The following TYR variants were observed in gnomAD, a reference collection of about 807,000 sequenced individuals.
TYR encodes the protein LB24-AB.
A neutral mutation model predicts 51.5 loss-of-function variants in TYR; 58 were observed. The observed-to-expected ratio is 1.13, with a 90% CI of 0.91 to 1.40. TYR has a LOEUF of 1.40. TYR is among the 40% of genes most tolerant of loss of function. The pLI, the probability that TYR is intolerant of heterozygous loss-of-function variation, is 0.00. For synonymous variants in TYR, 263 were observed against 235.2 expected (o/e 1.12, Z -1.08); for missense variants, 732 against 647.4 (o/e 1.13, Z -1.42).
chr11:89,249,938 C>T (rs1944312436), intron 3 of TYR, among the ~76,000 whole-genome samples: 1 of 151,822 alleles, frequency 6.6e-6, no homozygotes, highest in Non-Finnish European at 1.5e-5. Context: ...AATGGAGACA[C>T]AAGATAGAGT....
intron 2 of TYR, among the ~76,000 whole-genome samples, chr11:89,203,088 A>G (rs1022971473): frequency 6.6e-6 from 1 of 152,218 alleles, no homozygotes; most frequent in Non-Finnish European, 1.5e-5. Flanking sequence ...TTTCCACATT[A>G]CAAGTGAGCA....
At chr11:89,202,838 G>C (rs551974096) in intron 2 of TYR, among the ~76,000 whole-genome samples, 1 of 151,978 alleles carries the variant, frequency 6.6e-6, no homozygotes. Flanking sequence ...ATAAAAACTC[G>C]TTATTTCATG....
chr11:89,258,665 A>G (rs1445263145), intron 3 of TYR, among the ~76,000 whole-genome samples: 2 of 152,150 alleles, frequency 1.3e-5, no homozygotes, highest in Admixed American at 1.3e-4. Context: ...TGAATTTAAG[A>G]AAAACAAAGT....
chr11:89,289,315 C>G (rs1400595306), intron 4 of TYR, among the ~76,000 whole-genome samples: 1 of 152,016 alleles, frequency 6.6e-6, no homozygotes. Flanking sequence ...ACACTTCTAT[C>G]ATTCATGAAT....
rs370426120 is a variant in TYR, at chr11:89,228,651, A to G, written c.1184+681A>G. ...AAGGAAGTACAAACTGATCTCTTCC[A>G]CTGGCCTGAATAGTATATGATTAAT... On this transcript the variant is annotated intron_variant, in intron 3 of 4. Transcript: ENST00000263321. Among the ~76,000 whole-genome samples the G allele has an allele frequency of 1.8e-4, 28 of 152,310 alleles. No individual in the cohort carries two copies. The East Asian group carries it at 4.6e-3, about 25-fold the overall frequency.
At chr11:89,267,125 T>C (rs1396876850) in intron 3 of TYR, among the ~76,000 whole-genome samples, 1 of 151,920 alleles carries the variant, frequency 6.6e-6, no homozygotes, top group African/African-American at 2.4e-5. Context: ...CACATGAAAG[T>C]TGATGCTTAG....
intron 2 of TYR, among the ~76,000 whole-genome samples, chr11:89,217,959 T>G (rs138279280): frequency 6.6e-6 from 1 of 152,312 alleles, no homozygotes; most frequent in Non-Finnish European, 1.5e-5. Flanking sequence ...GGTGAATAGT[T>G]ATTTCTATTA....
chr11:89,283,481 A>G (rs544109367), intron 3 of TYR, among the ~76,000 whole-genome samples: 1 of 151,862 alleles, frequency 6.6e-6, no homozygotes, highest in South Asian at 2.1e-4. Context: ...CTTAAAATGT[A>G]CAGCTAAGTA....
intron 3 of TYR, among the ~76,000 whole-genome samples, chr11:89,236,615 G>C (rs1944118181): frequency 6.6e-6 from 1 of 152,126 alleles, no homozygotes. Flanking sequence ...ATATTGTGTG[G>C]CATCTGAGCC....
intron 2 of TYR, among the ~76,000 whole-genome samples, chr11:89,193,428 A>G (rs144734345): frequency 6.6e-6 from 1 of 152,120 alleles, no homozygotes; most frequent in Non-Finnish European, 1.5e-5. Context: ...ATTTACTACA[A>G]ATAATTTGCT....
chr11:89,204,561 A>T (rs1342332472), intron 2 of TYR, among the ~76,000 whole-genome samples: 1 of 151,578 alleles, frequency 6.6e-6, no homozygotes, highest in East Asian at 1.9e-4. Context: ...AGCCCGGCTA[A>T]TTTTTTTTAT....
chr11:89,265,672 A>G (rs369050497), intron 3 of TYR, among the ~76,000 whole-genome samples: 3 of 151,664 alleles, frequency 2.0e-5, no homozygotes, highest in Admixed American at 6.6e-5. Context: ...CTAGTCTCTC[A>G]CTCTTCCACA....
At chr11:89,208,946 T>A (rs1943711946) in intron 2 of TYR, among the ~76,000 whole-genome samples, 1 of 152,146 alleles carries the variant, frequency 6.6e-6, no homozygotes, top group South Asian at 2.1e-4. Flanking sequence ...TTCAGTTGAG[T>A]TTAAATCCTT....
chr11:89,215,956 ATAT>A lies in TYR; in HGVS notation c.1037-11860_1037-11858del, dbSNP rs563568577. 1.2e-4 allele frequency among the ~76,000 whole-genome samples: 18 copies of A among 152,324 alleles called. No individual in the cohort carries two copies. The South Asian group carries it at 1.9e-3, about 16-fold the overall frequency. On this transcript the variant is annotated intron_variant, in intron 2 of 4. Transcript: ENST00000263321. Reference sequence around the variant, plus strand: ...TTAAACATAGAAAACCTCTGTTACTATATTATTATAATGAAGAAAATAATTTTT... The same window carrying A: ...TTAAACATAGAAAACCTCTGTTACTATATTATAATGAAGAAAATAATTTTT...
intron 2 of TYR, among the ~76,000 whole-genome samples, chr11:89,227,479 A>G (rs1157619128): frequency 6.6e-6 from 1 of 152,172 alleles, no homozygotes; most frequent in Non-Finnish European, 1.5e-5. Flanking sequence ...TACAGACTGA[A>G]GTGAAAGTGA....
intron 2 of TYR, among the ~76,000 whole-genome samples, chr11:89,226,471 G>A (rs938345425): frequency 1.3e-5 from 2 of 152,054 alleles, no homozygotes; most frequent in Non-Finnish European, 2.9e-5. Flanking sequence ...AAAGGAGAGG[G>A]ATGTGCATGT....
intron 4 of TYR, among the ~76,000 whole-genome samples, chr11:89,292,000 C>A (rs1306302659): frequency 4.6e-5 from 7 of 151,860 alleles, no homozygotes; most frequent in South Asian, 2.1e-4. Flanking sequence ...GCTATGATTA[C>A]GTTTGTTTTC....
At chr11:89,193,223 G>T (rs575016200) in intron 2 of TYR, among the ~76,000 whole-genome samples, 4 of 152,198 alleles carry the variant, frequency 2.6e-5, no homozygotes, top group South Asian at 2.1e-4. Flanking sequence ...GGAGCATTTT[G>T]CTGTTTTTTC....
rs1943876675 is a variant in TYR, at chr11:89,219,325, C to A, written c.1037-8498C>A. On this transcript the variant is annotated intron_variant, in intron 2 of 4. Transcript: ENST00000263321. ...TTTTTTTTTTTTTTGGAGACAGAGTCCCACTCTATTGCCCAGGCTGGAGTG... is the reference window on the plus strand; with the variant it reads ...TTTTTTTTTTTTTTGGAGACAGAGTACCACTCTATTGCCCAGGCTGGAGTG... Among the ~76,000 whole-genome samples the A allele has an allele frequency of 2.7e-5, 4 of 148,406 alleles. No individual in the cohort carries two copies. In the South Asian group the frequency reaches 8.5e-4, roughly 32 times the overall value.
Sources: allele counts gnomAD v4.1 joint callset (sites outside exome capture counted in the v4.1 genomes callset), GRCh38; gene constraint gnomAD v4.1.1; transcripts MANE v1.5; gene names NCBI Gene and HGNC (gene_info 2026-07-23, HGNC 2026-07-21).